ANK3: variants seen among roughly 807,000 people sequenced by gnomAD.
ANK3 encodes ankyrin 3.
A neutral mutation model predicts 370.9 loss-of-function variants in ANK3; 57 were observed. The ratio of observed to expected loss-of-function variants is 0.15; its 90% CI spans 0.12 to 0.19. The LOEUF (loss-of-function observed/expected upper bound fraction) is 0.19. ANK3 is among the 10% of genes least tolerant of loss of function. The pLI, the probability that ANK3 is intolerant of heterozygous loss-of-function variation, is 1.00. For missense variants in ANK3, 4,439 were observed against 5,302.1 expected, an observed-to-expected ratio of 0.84 and a Z score of 5.06; for synonymous variants, 1,929 against 1,946.3, an observed-to-expected ratio of 0.99 and a Z score of 0.23.
At chr10:60,461,155 A>G (rs770279952) in intron 2 of ANK3, among the ~76,000 whole-genome samples, 2 of 152,144 alleles carry the variant, frequency 1.3e-5, no homozygotes, top group South Asian at 2.1e-4. Flanking sequence ...CAGGCTGCTC[A>G]TATTTCATTA....
intron 11 of ANK3, 42 bp from the exon 12 acceptor site, chr10:60,203,142 T>C: frequency 3.4e-6 from 5 of 1,488,480 alleles, no homozygotes; most frequent in Non-Finnish European, 4.7e-6. Context: ...TGGCTTAGCA[T>C]AAAAAAGGTT....
At chr10:60,440,015 C>T (rs1423168480) in intron 2 of ANK3, among the ~76,000 whole-genome samples, 3 of 152,204 alleles carry the variant, frequency 2.0e-5, no homozygotes, top group Non-Finnish European at 2.9e-5. Flanking sequence ...TTTCAATATG[C>T]CCTTCCCTGG....
intron 1 of ANK3, among the ~76,000 whole-genome samples, chr10:60,696,904 G>A (rs1278597312): frequency 6.9e-6 from 1 of 144,510 alleles, no homozygotes; most frequent in Non-Finnish European, 1.5e-5. Context: ...TCTGGCCAGG[G>A]CAATCAGGCA....
intron 7 of ANK3, among the ~76,000 whole-genome samples, chr10:60,236,692 A>C (rs554438158): frequency 5.3e-5 from 8 of 152,328 alleles, no homozygotes; most frequent in Admixed American, 3.9e-4. Flanking sequence ...TTTGCTCACT[A>C]TTCTTAGATG....
intron 4 of ANK3, among the ~76,000 whole-genome samples, chr10:60,272,347 C>A (rs1320122231): frequency 1.3e-5 from 2 of 152,126 alleles, no homozygotes; most frequent in Admixed American, 1.3e-4. Flanking sequence ...ACCAGTATGG[C>A]TTTTTCTCAT....
At chr10:60,706,503 C>A (rs1312402490) in intron 1 of ANK3, among the ~76,000 whole-genome samples, 1 of 151,894 alleles carries the variant, frequency 6.6e-6, no homozygotes, top group African/African-American at 2.4e-5. Flanking sequence ...AATAAATACT[C>A]TTAGTCTGTA....
intron 2 of ANK3, among the ~76,000 whole-genome samples, chr10:60,510,542 C>A (rs887800030): frequency 6.6e-5 from 10 of 152,096 alleles, no homozygotes; most frequent in Non-Finnish European, 1.3e-4. Flanking sequence ...CAGAGCATGG[C>A]ACAGTAGCTC....
intron 2 of ANK3, among the ~76,000 whole-genome samples, chr10:60,459,718 G>T (rs535954625): frequency 1.1e-4 from 17 of 152,194 alleles, no homozygotes; most frequent in Admixed American, 3.3e-4. Flanking sequence ...TCTGGAATAT[G>T]ACCTTAATGA....
intron 1 of ANK3, among the ~76,000 whole-genome samples, chr10:60,689,158 G>A (rs374689819): frequency 1.8e-4 from 27 of 151,994 alleles, no homozygotes; most frequent in Middle Eastern, 3.4e-3. Context: ...TTAGCACTTC[G>A]GGAGGCCAAG....
chr10:60,639,775 T>A (rs1393858710), intron 1 of ANK3, among the ~76,000 whole-genome samples: 1 of 151,966 alleles, frequency 6.6e-6, no homozygotes, highest in African/African-American at 2.4e-5. Context: ...AAATAGTCAT[T>A]TCTAAAGAAG....
chr10:60,425,065 G>C (rs555450881), intron 2 of ANK3, among the ~76,000 whole-genome samples: 1 of 152,124 alleles, frequency 6.6e-6, no homozygotes, highest in Non-Finnish European at 1.5e-5. Context: ...TGTTCATAGG[G>C]TGCTTGTGGA....
intron 1 of ANK3, among the ~76,000 whole-genome samples, chr10:60,323,183 C>A (rs931248013): frequency 6.6e-6 from 1 of 152,162 alleles, no homozygotes; most frequent in African/African-American, 2.4e-5. Context: ...GCAACTGGAA[C>A]TCAATCTCTC....
chr10:60,059,723 C>T (rs1462314678), intron 40 of ANK3: 4 of 1,613,478 alleles, frequency 2.5e-6, no homozygotes, highest in East Asian at 4.5e-5. Context: ...CCAACTGGCT[C>T]TCATCTACAT....
At chr10:60,656,283 G>A (rs2078862565) in intron 1 of ANK3, among the ~76,000 whole-genome samples, 1 of 146,884 alleles carries the variant, frequency 6.8e-6, no homozygotes, top group African/African-American at 2.5e-5. Context: ...GTTGTTAAAT[G>A]TATTGGCATA....
chr10:60,051,449 C>T, intron 42 of ANK3: 3 of 967,374 alleles, frequency 3.1e-6, no homozygotes, highest in Non-Finnish European at 3.7e-6. Context: ...AGAGCAATGC[C>T]ACATAATGAT....
intron 2 of ANK3, among the ~76,000 whole-genome samples, chr10:60,546,865 G>A (rs1014673762): frequency 1.3e-5 from 2 of 152,074 alleles, no homozygotes; most frequent in Admixed American, 1.3e-4. Context: ...CCAGTGCCAG[G>A]TGACATTTTA....
At chr10:60,435,445 C>T (rs2132988205) in intron 2 of ANK3, among the ~76,000 whole-genome samples, 1 of 152,224 alleles carries the variant, frequency 6.6e-6, no homozygotes. Context: ...GTCCTAATCA[C>T]CATATAGACC....
At chr10:60,531,141 T>C (rs1230324835) in intron 2 of ANK3, among the ~76,000 whole-genome samples, 1 of 152,140 alleles carries the variant, frequency 6.6e-6, no homozygotes, top group Non-Finnish European at 1.5e-5. Flanking sequence ...GGGTGGCTGC[T>C]TGTTATTTGT....
intron 9 of ANK3, among the ~76,000 whole-genome samples, chr10:60,211,485 C>T (rs2096853421): frequency 6.6e-6 from 1 of 152,136 alleles, no homozygotes; most frequent in Admixed American, 6.5e-5. Flanking sequence ...TTTCAGTTTC[C>T]TCATCTATGA....
Sources: allele counts gnomAD v4.1 joint callset (sites outside exome capture counted in the v4.1 genomes callset), GRCh38; gene constraint gnomAD v4.1.1; transcripts MANE v1.5; gene names NCBI Gene and HGNC (gene_info 2026-07-23, HGNC 2026-07-21).